PKHD1L1: variants seen among roughly 807,000 people sequenced by gnomAD.
PKHD1L1 encodes the protein fibrocystin-L.
PKHD1L1 carries 434 observed loss-of-function variants against 462.9 expected under a neutral mutation model. The ratio of observed to expected loss-of-function variants is 0.94; its 90% CI spans 0.87 to 1.02. The LOEUF is 1.02. Among genes scored for constraint, PKHD1L1 ranks in the 50% least tolerant of loss-of-function variants. The pLI, the probability that PKHD1L1 is intolerant of heterozygous loss-of-function variation, is 0.00. For synonymous variants in PKHD1L1, 1,781 were observed against 1,750.0 expected, an observed-to-expected ratio of 1.02 and a Z score of -0.44; for missense variants, 5,202 against 5,096.1, an observed-to-expected ratio of 1.02 and a Z score of -0.63.
At chr8:109,485,280 G>A in intron 58 of PKHD1L1, 107 bp downstream of exon 58, 7 of 1,086,990 alleles carry the variant, frequency 6.4e-6, no homozygotes, top group Non-Finnish European at 8.9e-6. Flanking sequence ...TATGTTAAAG[G>A]AGCATTTTAT....
Position 109,536,567 on chromosome 8 carries a change from A to C in PKHD1L1, c.*6477A>C, listed in dbSNP as rs1821150350. 2.0e-5 allele frequency among the ~76,000 whole-genome samples: 3 copies of C among 152,252 alleles called. No individual in the cohort carries two copies. Among genetic ancestry groups the C allele is most frequent in the African/African-American group, 7.2e-5 (3 of 41,472 alleles). On this transcript the variant is annotated 3_prime_UTR_variant, in exon 78 of 78. Coordinates refer to ENST00000378402, the MANE Select transcript of PKHD1L1 (RefSeq NM_177531.6). ...ATTCATAATATAGCTGAACTCTGTC[A>C]TAAATCTAATAACGATGTGGACATT...
In PKHD1L1 at chr8:109,438,379, C is replaced by T; in HGVS notation, c.3683C>T (p.Ala1228Val). The T allele has an allele frequency of 6.5e-7, 1 of 1,542,026 alleles. No homozygotes were observed. Among genetic ancestry groups the T allele is most frequent in the South Asian group, 1.2e-5 (1 of 82,662 alleles). ...ACTACCAATGGATTTCAAGCCACAG[C>T]AAGGGATGCTTTTAGTTATAATTGT... ...SVTTNGFQAT[A>V]RDAFSYNCLQ... The change falls in exon 31 of 78, where the codon GCA (alanine) becomes GTA (valine). Residue 1228 changes from alanine to valine, a missense_variant. Around this residue, in one of 3 missense-constraint regions of PKHD1L1, gnomAD observed 4,497 missense variants for 4,336.8 expected, o/e 1.04. Coordinates refer to ENST00000378402, the MANE Select transcript of PKHD1L1 (RefSeq NM_177531.6).
intron 65 of PKHD1L1, 124 bp downstream of exon 65, chr8:109,497,396 T>A: frequency 1.7e-6 from 2 of 1,171,642 alleles, no homozygotes; most frequent in Admixed American, 2.8e-5. Context: ...CCTCCCTGCC[T>A]TTGTTCCCAC....
At position 109,479,977 on chromosome 8, in the gene PKHD1L1, G is replaced by A; in HGVS notation, c.9179-14G>A. 6.5e-7 allele frequency: 1 copy of A among 1,545,992 alleles called. No homozygotes were observed. The highest frequency in any genetic ancestry group is 8.7e-7 in the Non-Finnish European group (1 of 1,153,874). ...TATGGATTATGTTATATTTCTTAAA[G>A]TATTGTTTTATAGGAACATGGATTG... On this transcript the variant is annotated splice_polypyrimidine_tract_variant and intron_variant, in intron 54 of 77. Coordinates refer to ENST00000378402, the MANE Select transcript of PKHD1L1 (RefSeq NM_177531.6).
intron 32 of PKHD1L1, 31 bp downstream of exon 32, chr8:109,439,123 T>A (rs762201148): frequency 1.6e-5 from 26 of 1,580,524 alleles, no homozygotes; most frequent in Non-Finnish European, 2.3e-5. Context: ...TTGATGGAGT[T>A]GTAGAACACA....
At chr8:109,481,709 G>T in intron 56 of PKHD1L1, 147 bp downstream of exon 56, 1 of 767,986 alleles carries the variant, frequency 1.3e-6, no homozygotes, top group Non-Finnish European at 1.8e-6. Flanking sequence ...AGTTTTTACA[G>T]AAATTTATTT....
At chr8:109,513,698 C>T (rs1327029847) in intron 71 of PKHD1L1, among the ~76,000 whole-genome samples, 2 of 152,042 alleles carry the variant, frequency 1.3e-5, no homozygotes, top group Non-Finnish European at 2.9e-5. Context: ...GCAGTTCCAT[C>T]CCTTCGCTCC....
chr8:109,517,088 G>A lies in PKHD1L1; in HGVS notation c.11690-1079G>A, dbSNP rs114844340. Among the ~76,000 whole-genome samples the A allele has an allele frequency of 6.6e-3, 998 of 152,158 alleles. 14 individuals are homozygous for A. The highest frequency in any genetic ancestry group is 0.023 in the African/African-American group (960 of 41,526). On this transcript the variant is annotated intron_variant, in intron 72 of 77. Coordinates refer to ENST00000378402, the MANE Select transcript of PKHD1L1 (RefSeq NM_177531.6). ...CAGGGATATTATTTTGTTCTCCATA[G>A]ACAGAACGTAATGTAAAGAATTGAT...
chr8:109,396,113 T>A lies in PKHD1L1; in HGVS notation c.898T>A (p.Phe300Ile), dbSNP rs756062613. ...ISGRFFDQTDFPVRVLVGGEP... is the reference protein window; with the variant it reads ...ISGRFFDQTDIPVRVLVGGEP... ...TGGGCGTTTCTTTGATCAGACAGATTTCCCCGTCAGAGTTCTAGTTGGAGG... is the reference window on the plus strand; with the variant it reads ...TGGGCGTTTCTTTGATCAGACAGATATCCCCGTCAGAGTTCTAGTTGGAGG... Residue 300 changes from phenylalanine to isoleucine, a missense_variant, in exon 11 of 78, where the codon TTC (phenylalanine) becomes ATC (isoleucine). By Grantham distance (21) the Phe-to-Ile change is conservative. Coordinates refer to ENST00000378402, the MANE Select transcript of PKHD1L1 (RefSeq NM_177531.6). The A allele has an allele frequency of 6.2e-7, 1 of 1,608,490 alleles. No individual in the cohort carries two copies. The highest frequency in any genetic ancestry group is 8.5e-7 in the Non-Finnish European group (1 of 1,177,544).
intron 68 of PKHD1L1, among the ~76,000 whole-genome samples, chr8:109,506,103 C>T (rs1468163137): frequency 6.6e-6 from 1 of 152,112 alleles, no homozygotes; most frequent in Non-Finnish European, 1.5e-5. Context: ...TCAGATTCAA[C>T]ATATAATTTT....
In PKHD1L1 at chr8:109,414,219, G is replaced by A. The variant is rs1166395262; in HGVS notation, c.2360+674G>A. Among the ~76,000 whole-genome samples, 5 of 152,064 alleles carry A rather than the reference G, an allele frequency of 3.3e-5. No homozygotes were observed. The East Asian group carries it at 9.6e-4, about 29-fold the overall frequency. ...CATTTACAACAGAAGCAATAGTGAA[G>A]ACATACACAGAGACACATACCTTTC... On this transcript the variant is annotated intron_variant, in intron 21 of 77. Coordinates refer to ENST00000378402, the MANE Select transcript of PKHD1L1 (RefSeq NM_177531.6).
chr8:109,454,261 A>T lies in PKHD1L1; in HGVS notation c.6744+15A>T. Reference sequence around the variant, plus strand: ...GTGTTCTTCAGGTATTCAAAAGAACATAATACATATTCATTTCCAACCTGT... The same window carrying T: ...GTGTTCTTCAGGTATTCAAAAGAACTTAATACATATTCATTTCCAACCTGT... On this transcript the variant is annotated intron_variant, in intron 44 of 77. Transcript: ENST00000378402. 1.3e-6 allele frequency: 2 copies of T among 1,549,882 alleles called. No homozygotes were observed. The highest frequency in any genetic ancestry group is 1.8e-6 in the Non-Finnish European group (2 of 1,135,662).
chr8:109,470,310 A>G (rs1306756758), intron 50 of PKHD1L1: 3 of 1,490,366 alleles, frequency 2.0e-6, no homozygotes, highest in Non-Finnish European at 2.8e-6. Context: ...CGAGGTCATC[A>G]TCATATTTAG....
chr8:109,382,667 C>A, intron 4 of PKHD1L1, 96 bp downstream of exon 4: 1 of 856,018 alleles, frequency 1.2e-6, no homozygotes, highest in Non-Finnish European at 1.7e-6. Context: ...AGACTATTTC[C>A]ACATTTAAAA....
At position 109,394,170 on chromosome 8, in the gene PKHD1L1, CAAAAAAAA is replaced by C. The variant is rs146708536; in HGVS notation, c.741-225_741-218del. Among the ~76,000 whole-genome samples, 43 of 63,704 alleles carry C rather than the reference CAAAAAAAA, an allele frequency of 6.7e-4. No individual in the cohort carries two copies. The East Asian group carries it at 7.8e-3, about 12-fold the overall frequency. 41.8% of individuals were successfully genotyped at this position (63,704 alleles called of 152,430 possible). ...GCCTGGCAACAGAGCGAGACTCTGT[CAAAAAAAA>C]AAAAAAAAAAAAAAAAAAAGAAATC... On this transcript the variant is annotated intron_variant, in intron 9 of 77. Coordinates refer to ENST00000378402, the MANE Select transcript of PKHD1L1 (RefSeq NM_177531.6).
At chr8:109,374,927 C>G (rs1424689954) in intron 2 of PKHD1L1, among the ~76,000 whole-genome samples, 4 of 152,172 alleles carry the variant, frequency 2.6e-5, no homozygotes, top group African/African-American at 9.7e-5. Context: ...TCTAGCTGCC[C>G]TTAACATTTT....
At chr8:109,390,529 G>T in intron 9 of PKHD1L1, 35 bp downstream of exon 9, 1 of 1,171,162 alleles carries the variant, frequency 8.5e-7, no homozygotes, top group Non-Finnish European at 1.2e-6. Flanking sequence ...TTTTATAATT[G>T]ATTCAACAGG....
At chr8:109,444,122 C>T (rs371149911) in intron 37 of PKHD1L1, among the ~76,000 whole-genome samples, 1 of 151,356 alleles carries the variant, frequency 6.6e-6, no homozygotes, top group Non-Finnish European at 1.5e-5. Context: ...ACCTCCCCCC[C>T]CCAAAAAAAA....
At position 109,435,475 on chromosome 8, in the gene PKHD1L1, A is replaced by T. The variant is rs146083193; in HGVS notation, c.3505+121A>T. On this transcript the variant is annotated intron_variant, in intron 29 of 77. Coordinates refer to ENST00000378402, the MANE Select transcript of PKHD1L1 (RefSeq NM_177531.6). ...AGCTTCCTCTTATAGAACAAAGGAA[A>T]GTCTCCTTCGAGAAGGTACAGTGAT... 7.5e-3 allele frequency: 8,217 copies of T among 1,101,482 alleles called. 53 individuals are homozygous for T. Among genetic ancestry groups the T allele is most frequent in the Middle Eastern group, 0.034 (107 of 3,110 alleles). 68.2% of individuals were successfully genotyped at this position (1,101,482 alleles called of 1,614,324 possible). A position where few individuals can be genotyped will look rare whatever the true frequency, so the allele number is the denominator to read the frequency against.
Sources: gnomAD v4.1 joint callset for allele counts (sites outside exome capture counted in the v4.1 genomes callset) on GRCh38, gnomAD v4.1.1 for gene constraint, gnomAD v4.1.1 regional missense constraint, MANE v1.5 for transcripts, NCBI Gene and HGNC (gene_info 2026-07-23, HGNC 2026-07-21) for gene names.